Variants in IGF2BP2 observed in about 807,000 individuals in gnomAD.
IGF2BP2 encodes the protein insulin like growth factor 2 mRNA binding protein 2.
In IGF2BP2, 17 loss-of-function variants were observed where a neutral mutation model predicts 75.8. That is an observed-to-expected ratio of 0.22 (90% CI 0.15 to 0.34). IGF2BP2 has a LOEUF of 0.34. Among genes scored for constraint, IGF2BP2 ranks in the 10% least tolerant of loss-of-function variants. The pLI, the probability that IGF2BP2 is intolerant of heterozygous loss-of-function variation, is 1.00. For synonymous variants in IGF2BP2, 288 were observed against 295.6 expected (o/e 0.97, Z 0.26); for missense variants, 516 against 772.4 (o/e 0.67, Z 3.93).
At chr3:185,662,340 T>C (rs1716584730) in intron 10 of IGF2BP2, among the ~76,000 whole-genome samples, 1 of 151,828 alleles carries the variant, frequency 6.6e-6, no homozygotes, top group African/African-American at 2.4e-5. Flanking sequence ...TAGCCAGGCA[T>C]GGTGGTGCAC....
chr3:185,684,459 C>T lies in IGF2BP2; in HGVS notation c.812+2598G>A, dbSNP rs142869867. Among the ~76,000 whole-genome samples, 325 of 151,810 alleles carry T rather than the reference C, an allele frequency of 2.1e-3. 1 individual carries two copies. Among genetic ancestry groups the T allele is most frequent in the Non-Finnish European group, 3.7e-3 (252 of 67,954 alleles). ...TCGCTCTGTCGCCCAGGCTGGAGTG[C>T]AGTGGCGCGATCTCGGCTCACTGCA... On this transcript the variant is annotated intron_variant, in intron 7 of 15. Transcript: ENST00000382199.
Position 185,665,533 on chromosome 3 carries a change from AAGG to A in IGF2BP2, c.1200+7005_1200+7007del, listed in dbSNP as rs1171396059. On this transcript the variant is annotated intron_variant, in intron 10 of 15. Transcript: ENST00000382199. ...GGAGGAGGAGAAGGAGGAGGAGGAGAAGGAGGAGGAGGAGAAGGAGGAGGAGAA... is the reference window on the plus strand; with the variant it reads ...GGAGGAGGAGAAGGAGGAGGAGGAGAAGGAGGAGGAGAAGGAGGAGGAGAA... Among the ~76,000 whole-genome samples the A allele has an allele frequency of 1.9e-4, 20 of 104,016 alleles. No homozygotes were observed. In the South Asian group the frequency reaches 2.9e-3, roughly 15 times the overall value. The allele number at this position is 104,016 out of a possible 152,430, so 68.2% of individuals were successfully genotyped here.
intron 2 of IGF2BP2, among the ~76,000 whole-genome samples, chr3:185,725,533 C>T (rs1727199200): frequency 6.6e-6 from 1 of 152,106 alleles, no homozygotes; most frequent in Non-Finnish European, 1.5e-5. Flanking sequence ...CGGAACTTGA[C>T]ATAATTAGGT....
At chr3:185,822,853 G>C (rs1379933386) in intron 2 of IGF2BP2, among the ~76,000 whole-genome samples, 11 of 151,812 alleles carry the variant, frequency 7.2e-5, no homozygotes, top group Admixed American at 7.2e-4. Context: ...AGGGGCGGGA[G>C]GTGGGGGTGG....
intron 7 of IGF2BP2, among the ~76,000 whole-genome samples, chr3:185,686,071 C>T (rs1721083876): frequency 6.6e-6 from 1 of 152,150 alleles, no homozygotes; most frequent in African/African-American, 2.4e-5. Flanking sequence ...ACTGTGGAAT[C>T]CTATAATTAC....
chr3:185,773,566 CT>C (rs1026029757), intron 2 of IGF2BP2, among the ~76,000 whole-genome samples: 1 of 152,090 alleles, frequency 6.6e-6, no homozygotes, highest in African/African-American at 2.4e-5. Flanking sequence ...ACAAAATAGA[CT>C]TTAGGTAAGT....
In IGF2BP2 at chr3:185,653,222, A is replaced by G. The variant is rs1002524943; in HGVS notation, c.1387-1054T>C. Among the ~76,000 whole-genome samples the G allele has an allele frequency of 3.3e-5, 5 of 152,314 alleles. No homozygotes were observed. In the South Asian group the frequency reaches 6.2e-4, roughly 19 times the overall value. On this transcript the variant is annotated intron_variant, in intron 12 of 15. Transcript: ENST00000382199. ...TTTTTGTTAGAGAGATCTTTGTTAC[A>G]TATTTGTTTCTGCATGCCCTGCTTT...
chr3:185,786,535 T>A (rs1391587967), intron 2 of IGF2BP2, among the ~76,000 whole-genome samples: 1 of 152,248 alleles, frequency 6.6e-6, no homozygotes, highest in Admixed American at 6.5e-5. Flanking sequence ...GAGCACCTTG[T>A]GACCCGCCCC....
chr3:185,646,891 G>A (rs1713661465), intron 15 of IGF2BP2, 134 bp downstream of exon 15: 3 of 677,922 alleles, frequency 4.4e-6, no homozygotes, highest in African/African-American at 1.8e-5. Context: ...AAAGAGCCAG[G>A]AAGAACCAGG....
chr3:185,789,833 G>A (rs938413975), intron 2 of IGF2BP2, among the ~76,000 whole-genome samples: 5 of 149,394 alleles, frequency 3.3e-5, no homozygotes, highest in African/African-American at 7.4e-5. Context: ...ACCCAGGTTC[G>A]AGTGATTCTC....
At chr3:185,684,059 C>T (rs1466511795) in intron 7 of IGF2BP2, among the ~76,000 whole-genome samples, 1 of 152,144 alleles carries the variant, frequency 6.6e-6, no homozygotes, top group Non-Finnish European at 1.5e-5. Flanking sequence ...ATTACTACTG[C>T]CTCAAAATAA....
intron 2 of IGF2BP2, among the ~76,000 whole-genome samples, chr3:185,822,893 G>A (rs1741544557): frequency 6.6e-6 from 1 of 151,768 alleles, no homozygotes; most frequent in Non-Finnish European, 1.5e-5. Context: ...AAGTTACAGG[G>A]TCCCAGCGAA....
chr3:185,645,502 C>G lies in IGF2BP2; in HGVS notation c.*29G>C. 6.7e-7 allele frequency: 1 copy of G among 1,494,848 alleles called. No individual in the cohort carries two copies. Among genetic ancestry groups the G allele is most frequent in the Non-Finnish European group, 9.3e-7 (1 of 1,071,540 alleles). The allele number at this position is 1,494,848 out of a possible 1,614,324, so 92.6% of individuals were successfully genotyped here. On this transcript the variant is annotated 3_prime_UTR_variant, in exon 16 of 16. Coordinates refer to ENST00000382199, the MANE Select transcript of IGF2BP2 (RefSeq NM_006548.6). This position sits in a 1 kb window ranked among gnomAD's most constrained non-coding sequence, Gnocchi z 4.9. ...CAGGTGTTGGAAGGGCTACATTCAT[C>G]CGTTGTTTTGCTGGTGCCTGTGGGA... is the stretch of plus-strand genomic sequence containing the variant.
At chr3:185,770,033 C>T (rs1733669363) in intron 2 of IGF2BP2, among the ~76,000 whole-genome samples, 1 of 152,046 alleles carries the variant, frequency 6.6e-6, no homozygotes, top group Non-Finnish European at 1.5e-5. Flanking sequence ...CCCCTGGGGA[C>T]CAGAGGCCCA....
In IGF2BP2 at chr3:185,687,126, G is replaced by C. The variant is rs773927638; in HGVS notation, c.743C>G (p.Pro248Arg). 1 of 1,613,854 alleles carries C rather than the reference G, an allele frequency of 6.2e-7. No individual in the cohort carries two copies. The highest frequency in any genetic ancestry group is 8.5e-7 in the Non-Finnish European group (1 of 1,179,918). Residue 248 changes from proline to arginine, a missense_variant, in exon 7 of 16, where the codon CCA becomes CGA. By Grantham distance (103) the Pro-to-Arg change is moderately radical. Coordinates refer to ENST00000382199, the MANE Select transcript of IGF2BP2 (RefSeq NM_006548.6). ...AEKPVTIHAT[P>R]EGTSEACRMI... The stretch of plus-strand genomic sequence containing the variant: ...GCGGCATGCTTCAGAAGTCCCCTCT[G>C]GGGTGGCATGGATGGTGACAGGCTT...
At chr3:185,738,271 G>C (rs1729106025) in intron 2 of IGF2BP2, among the ~76,000 whole-genome samples, 1 of 152,100 alleles carries the variant, frequency 6.6e-6, no homozygotes, top group African/African-American at 2.4e-5. Flanking sequence ...ATAAAACTGG[G>C]GGTTAAACCA....
intron 2 of IGF2BP2, among the ~76,000 whole-genome samples, chr3:185,751,344 G>T (rs534361110): frequency 1.3e-5 from 2 of 151,986 alleles, no homozygotes; most frequent in Non-Finnish European, 2.9e-5. Flanking sequence ...TTGGGAGGCC[G>T]AGGCAGGCAG....
chr3:185,767,242 T>C (rs1276713568), intron 2 of IGF2BP2, among the ~76,000 whole-genome samples: 1 of 152,248 alleles, frequency 6.6e-6, no homozygotes, highest in Non-Finnish European at 1.5e-5. Flanking sequence ...TCTATCTATA[T>C]ACCTCAATGC....
chr3:185,821,236 A>T lies in IGF2BP2; in HGVS notation c.239+1917T>A, dbSNP rs1741336294. 6.4e-6 allele frequency: 6 copies of T among 930,470 alleles called. 1 individual carries two copies. Among genetic ancestry groups the T allele is most frequent in the Non-Finnish European group, 6.1e-6 (4 of 660,900 alleles). The allele number at this position is 930,470 out of a possible 1,614,324, so 57.6% of individuals were successfully genotyped here. A position where few individuals can be genotyped will look rare whatever the true frequency, so the allele number is the denominator to read the frequency against. On this transcript the variant is annotated intron_variant, in intron 2 of 15. Transcript: ENST00000382199. ...TGTAACTCCTCTAGAGCAGCAGCTTATGCATACATTTGGAATGTTAAACAT... is the reference window on the plus strand; with the variant it reads ...TGTAACTCCTCTAGAGCAGCAGCTTTTGCATACATTTGGAATGTTAAACAT...
Sources: gnomAD v4.1 joint callset for allele counts (sites outside exome capture counted in the v4.1 genomes callset) on GRCh38, gnomAD v4.1.1 for gene constraint, Gnocchi (gnomAD v3.1) non-coding constraint, MANE v1.5 for transcripts, NCBI Gene and HGNC (gene_info 2026-07-23, HGNC 2026-07-21) for gene names.